GET4: variants seen among roughly 807,000 people sequenced by gnomAD.
GET4 encodes guided entry of tail-anchored proteins factor 4, also known as Golgi to ER traffic protein 4 homolog.
Under a neutral mutation model 40.0 loss-of-function variants are expected in GET4, and 20 were observed. That is an observed-to-expected ratio of 0.50 (90% CI 0.35 to 0.73). The LOEUF (loss-of-function observed/expected upper bound fraction) is 0.73. Ranked by LOEUF, GET4 falls within the 30% of genes least tolerant of loss-of-function variation. GET4 has a pLI of 0.01. For missense variants in GET4, 557 were observed against 454.0 expected (o/e 1.23, Z -2.06); for synonymous variants, 280 against 194.6 (o/e 1.44, Z -3.65).
intron 6 of GET4, 136 bp downstream of exon 6, chr7:892,554 A>G (rs758513051): frequency 2.6e-5 from 22 of 857,018 alleles, no homozygotes; most frequent in Non-Finnish European, 3.4e-5. Flanking sequence ...TGCATAGGGT[A>G]TGAGTGCTGG....
At chr7:891,165 G>A (rs1844313662) in intron 5 of GET4, 99 bp downstream of exon 5, 6 of 930,768 alleles carry the variant, frequency 6.4e-6, no homozygotes, top group Non-Finnish European at 9.7e-6. Flanking sequence ...CCGAGCTGCA[G>A]GATAAACTGA....
In GET4 at chr7:896,208, A is replaced by ATAACCGGTCCAGGAGTGAG. The variant is rs1185929206; in HGVS notation, c.*787_*805dup. On this transcript the variant is annotated 3_prime_UTR_variant, in exon 9 of 9. Transcript: ENST00000265857. ...ACCTAACATTTTGGGTTTTAACCAA[A>ATAACCGGTCCAGGAGTGAG]TAACCGGTCCAGGAGTGAGCAGCTC... 6.6e-6 allele frequency: 1 copy of ATAACCGGTCCAGGAGTGAG among 152,258 alleles called. No homozygotes were observed. Among genetic ancestry groups the ATAACCGGTCCAGGAGTGAG allele is most frequent in the Non-Finnish European group, 1.5e-5 (1 of 68,050 alleles). 9.4% of individuals were successfully genotyped at this position (152,258 alleles called of 1,614,324 possible).
intron 1 of GET4, chr7:883,856 A>G: frequency 9.8e-7 from 1 of 1,021,818 alleles, no homozygotes; most frequent in South Asian, 3.6e-5. Context: ...TTTGCCTGTC[A>G]CCGGCATTCC....
chr7:886,096 A>G lies in GET4; in HGVS notation c.196A>G (p.Met66Val). Residue 66 changes from methionine (M) to valine (V), a missense_variant, in exon 2 of 9, where the codon ATG (methionine) becomes GTG (valine). By Grantham distance (21) the Met-to-Val change is conservative (BLOSUM62 1). Transcript: ENST00000265857. Reference sequence around the variant, plus strand: ...CAAGCACACGGAGGCCCGGGAGCTCATGTACTCGGGAGCCCTGCTCTTCTT... The same window carrying G: ...CAAGCACACGGAGGCCCGGGAGCTCGTGTACTCGGGAGCCCTGCTCTTCTT... ...QSKHTEAREL[M>V]YSGALLFFSH... 1.9e-6 allele frequency: 3 copies of G among 1,610,430 alleles called. No individual in the cohort carries two copies. Among genetic ancestry groups the G allele is most frequent in the Non-Finnish European group, 2.5e-6 (3 of 1,177,740 alleles).
intron 1 of GET4, chr7:881,278 C>G (rs1379726957): frequency 2.6e-5 from 4 of 152,332 alleles, no homozygotes; most frequent in Middle Eastern, 3.4e-3. Context: ...TATGACCAGT[C>G]AAGACACAGA....
At chr7:887,332 C>G in intron 3 of GET4, 38 bp from the exon 4 acceptor site, 1 of 1,560,120 alleles carries the variant, frequency 6.4e-7, no homozygotes, top group South Asian at 1.2e-5. Context: ...GCCGGAGTGG[C>G]CGTGCGTTCC....
At chr7:886,933 C>T (rs774267264) in intron 3 of GET4, 7 of 535,046 alleles carry the variant, frequency 1.3e-5, no homozygotes, top group African/African-American at 3.8e-5. Context: ...GCCTCCCCGC[C>T]AGCTGGCAAG....
chr7:890,649 C>T (rs113133754), intron 4 of GET4, among the ~76,000 whole-genome samples: 13 of 152,056 alleles, frequency 8.5e-5, no homozygotes, highest in South Asian at 4.1e-4. Flanking sequence ...GTTATCACAA[C>T]GAACATTAGT....
chr7:879,073 AG>A (rs1210602503), intron 1 of GET4, among the ~76,000 whole-genome samples: 1 of 152,148 alleles, frequency 6.6e-6, no homozygotes, highest in Non-Finnish European at 1.5e-5. Flanking sequence ...AGCATCACGC[AG>A]TGCAGCTCCA....
chr7:877,561 C>T (rs1156812048), intron 1 of GET4, among the ~76,000 whole-genome samples: 3 of 126,272 alleles, frequency 2.4e-5, no homozygotes, highest in South Asian at 5.9e-4. Flanking sequence ...CTACCACTGT[C>T]CTCGTCCCTT....
intron 6 of GET4, among the ~76,000 whole-genome samples, chr7:893,515 G>A (rs1325775809): frequency 4.8e-5 from 7 of 145,188 alleles, no homozygotes; most frequent in Non-Finnish European, 7.6e-5. Context: ...GGTGGTTGCA[G>A]GTGAGTGTTG....
Position 876,558 on chromosome 7 carries a change from G to A in GET4, c.-88G>A, listed in dbSNP as rs1464900533. The stretch of plus-strand genomic sequence containing the variant: ...CGACTCCTCGCGGGCCACCGTAGAA[G>A]GGCGTCGGGCGGCCGTCGGGACGGA... On this transcript the variant is annotated 5_prime_UTR_variant, in exon 1 of 9. Transcript: ENST00000265857. 1 of 1,097,342 alleles carries A rather than the reference G, an allele frequency of 9.1e-7. No individual in the cohort carries two copies. The highest frequency in any genetic ancestry group is 1.7e-5 in the African/African-American group (1 of 60,176). 68.0% of individuals were successfully genotyped at this position (1,097,342 alleles called of 1,614,324 possible).
intron 6 of GET4, among the ~76,000 whole-genome samples, chr7:892,871 ATG>A (rs529034097): frequency 8.7e-4 from 125 of 143,870 alleles, no homozygotes; most frequent in Middle Eastern, 4.2e-3. Context: ...GCGTGCAGGT[ATG>A]TGTGTTGTGT....
At chr7:881,391 A>C (rs1448456519) in intron 1 of GET4, 1 of 145,256 alleles carries the variant, frequency 6.9e-6, no homozygotes, top group Non-Finnish European at 1.5e-5. Flanking sequence ...GGCTGCACTT[A>C]GGTGAGGTGG....
chr7:894,319 T>A (rs941054258), intron 8 of GET4, among the ~76,000 whole-genome samples: 1 of 152,140 alleles, frequency 6.6e-6, no homozygotes, highest in Non-Finnish European at 1.5e-5. Flanking sequence ...CTGCCAGCCG[T>A]CGTGCTGGGG....
chr7:883,442 C>G (rs964005255), intron 1 of GET4: 2 of 899,364 alleles, frequency 2.2e-6, no homozygotes, highest in African/African-American at 1.8e-5. Flanking sequence ...GCCACTAGTT[C>G]TAATGCTTGC....
At position 876,681 on chromosome 7, in the gene GET4, C is replaced by T. The variant is rs1843947406; in HGVS notation, c.36C>T (p.Ser12=). ...CGGCGGCGATGGCCGAGCAGGAGAGCGCCCGGAACGGCGGCCGCAACCGCG... is the reference window on the plus strand; with the variant it reads ...CGGCGGCGATGGCCGAGCAGGAGAGTGCCCGGAACGGCGGCCGCAACCGCG... ...AAAAAMAEQE[S]ARNGGRNRGG... is the part of the protein sequence containing the mutation. Residue 12 remains serine (S), a synonymous_variant, in exon 1 of 9, where the codon AGC becomes AGT. Transcript: ENST00000265857. 2 of 1,339,144 alleles carry T rather than the reference C, an allele frequency of 1.5e-6. No homozygotes were observed. Among genetic ancestry groups the T allele is most frequent in the Non-Finnish European group, 1.9e-6 (2 of 1,032,330 alleles). The allele number at this position is 1,339,144 out of a possible 1,614,324, so 83.0% of individuals were successfully genotyped here.
At chr7:877,875 T>G in intron 1 of GET4, 1 of 72,754 alleles carries the variant, frequency 1.4e-5, no homozygotes, top group Non-Finnish European at 2.7e-5. Context: ...CCCCTCCCCT[T>G]CCTCTGTCTC....
intron 3 of GET4, 27 bp downstream of exon 3, chr7:886,677 A>C (rs201505883): frequency 1.3e-6 from 2 of 1,509,744 alleles, no homozygotes; most frequent in African/African-American, 2.8e-5. Flanking sequence ...TCACCCCGGG[A>C]CCCTGTGACA....
Sources: gnomAD v4.1 joint callset for allele counts (sites outside exome capture counted in the v4.1 genomes callset) on GRCh38, gnomAD v4.1.1 for gene constraint, MANE v1.5 for transcripts, NCBI Gene and HGNC (gene_info 2026-07-23, HGNC 2026-07-21) for gene names.